Variants in TRPV6 observed in about 807,000 individuals in gnomAD.
TRPV6 encodes Alu-binding protein with zinc finger domain.
In TRPV6, 39 loss-of-function variants were observed where a neutral mutation model predicts 79.0. The observed-to-expected ratio is 0.49, with a 90% CI of 0.38 to 0.64. The LOEUF (loss-of-function observed/expected upper bound fraction) is 0.64. Ranked by LOEUF, TRPV6 falls within the 30% of genes least tolerant of loss-of-function variation. The probability of loss-of-function intolerance (pLI) is 0.00; values close to 1 mark genes in which losing one functional copy is unlikely to be tolerated. For synonymous variants in TRPV6, 373 were observed against 391.9 expected, an observed-to-expected ratio of 0.95 and a Z score of 0.57; for missense variants, 813 against 1,011.1, an observed-to-expected ratio of 0.80 and a Z score of 2.66.
chr7:142,872,857 C>G (rs1383001978), intron 13 of TRPV6, among the ~76,000 whole-genome samples: 2 of 152,206 alleles, frequency 1.3e-5, no homozygotes, highest in African/African-American at 4.8e-5. Flanking sequence ...AGTTTTTCCA[C>G]TCCGTTTTCT....
chr7:142,875,654 C>A lies in TRPV6; in HGVS notation c.1056G>T (p.Pro352=). ...ACTTGAGGCTCACCAGCTCCTTCAC[C>A]GGCGTCTGGTCCAGGATCTGGCGAG... Residue 352 remains proline, a synonymous_variant, in exon 8 of 15, where the codon CCG becomes CCT. Transcript: ENST00000359396. 6.2e-7 allele frequency: 1 copy of A among 1,613,518 alleles called. No individual in the cohort carries two copies. Among genetic ancestry groups the A allele is most frequent in the Non-Finnish European group, 8.5e-7 (1 of 1,179,818 alleles).
rs1271615832 is a variant in TRPV6, at chr7:142,871,294, C to A, written c.*413G>T. Reference sequence around the variant, plus strand: ...CCCAGAGCCGTTCCTGTCTCCCTCACTCACACGCTTTCCACAAGCTCTGCA... The same window carrying A: ...CCCAGAGCCGTTCCTGTCTCCCTCAATCACACGCTTTCCACAAGCTCTGCA... On this transcript the variant is annotated 3_prime_UTR_variant, in exon 15 of 15. Transcript: ENST00000359396. The A allele has an allele frequency of 2.1e-6, 1 of 475,166 alleles. No homozygotes were observed. Among genetic ancestry groups the A allele is most frequent in the Non-Finnish European group, 3.9e-6 (1 of 258,858 alleles). The allele number at this position is 475,166 out of a possible 1,614,324, so 29.4% of individuals were successfully genotyped here.
In TRPV6 at chr7:142,874,069, T is replaced by C. The variant is rs756397691; in HGVS notation, c.1639+7A>G. The C allele has an allele frequency of 1.4e-5, 23 of 1,613,216 alleles. No individual in the cohort carries two copies. The highest frequency in any genetic ancestry group is 1.9e-5 in the Non-Finnish European group (22 of 1,179,592). ...GCCATGGCCCCTGGTCCTGGACAGA[T>C]GATTACCTGAAGCAAAGCCCAGGAT... On this transcript the variant is annotated splice_region_variant and intron_variant, in intron 12 of 14. Transcript: ENST00000359396.
Position 142,876,506 on chromosome 7 carries a change from A to C in TRPV6, c.784T>G (p.Tyr262Asp). Residue 262 changes from tyrosine to aspartate, a missense_variant, in exon 6 of 15, where the codon TAC (tyrosine) becomes GAC (aspartate). Physicochemically the swap from Tyr to Asp is radical, Grantham distance 160. Transcript: ENST00000359396. Reference sequence around the variant, plus strand: ...TGCAGGTGGTCCCCATGTCTGTCGTAGGACAGCAACAGGTTGTACATCTGG... The same window carrying C: ...TGCAGGTGGTCCCCATGTCTGTCGTCGGACAGCAACAGGTTGTACATCTGG... 1 of 1,614,166 alleles carries C rather than the reference A, an allele frequency of 6.2e-7. No individual in the cohort carries two copies. The highest frequency in any genetic ancestry group is 1.3e-5 in the African/African-American group (1 of 75,022).
rs764878053 is a variant in TRPV6 at position 142,874,965 on chromosome 7, T to C, written c.1345A>G (p.Arg449Gly). The change falls in exon 10 of 15, where the codon AGA becomes GGA. Residue 449 changes from arginine to glycine, a missense_variant. Physicochemically the swap from Arg to Gly is moderately radical, Grantham distance 125. This residue lies in a region of TRPV6 where 555 missense variants were observed against 631.0 expected (regional missense o/e 0.88). Transcript: ENST00000359396. Reference sequence around the variant, plus strand: ...CCAAAGAAGCGAGTGACCCCCATTCTGAAGATGTCTGGAACCTGAAGAGGT... The same window carrying C: ...CCAAAGAAGCGAGTGACCCCCATTCCGAAGATGTCTGGAACCTGAAGAGGT... The C allele has an allele frequency of 6.2e-7, 1 of 1,614,114 alleles. No individual in the cohort carries two copies. Among genetic ancestry groups the C allele is most frequent in the South Asian group, 1.1e-5 (1 of 91,070 alleles).
At chr7:142,879,821 C>T (rs1411493638) in intron 1 of TRPV6, 3 of 152,290 alleles carry the variant, frequency 2.0e-5, no homozygotes. Context: ...TGTGCAACTA[C>T]TTTTCCACCC....
intron 4 of TRPV6, 27 bp from the exon 5 acceptor site, chr7:142,876,864 G>A (rs1795086256): frequency 6.2e-7 from 1 of 1,613,038 alleles, no homozygotes; most frequent in African/African-American, 1.3e-5. Context: ...ATCTATGGTA[G>A]GAGAGTGCAG....
At position 142,885,731 on chromosome 7, in the gene TRPV6, G is replaced by A. The variant is rs903233623; in HGVS notation, c.-95C>T. ...CTGTGAGTTTGTTACACTTGGCAGAGCCAGCCAGGACTCTGCAGGGCTGGC... is the reference window on the plus strand; with the variant it reads ...CTGTGAGTTTGTTACACTTGGCAGAACCAGCCAGGACTCTGCAGGGCTGGC... On this transcript the variant is annotated 5_prime_UTR_variant, in exon 1 of 15. Coordinates refer to ENST00000359396, the MANE Select transcript of TRPV6 (RefSeq NM_018646.6). 70 of 586,912 alleles carry A rather than the reference G, an allele frequency of 1.2e-4. No homozygotes were observed. Among genetic ancestry groups the A allele is most frequent in the African/African-American group, 1.1e-3 (57 of 53,136 alleles). 36.4% of individuals were successfully genotyped at this position (586,912 alleles called of 1,614,324 possible).
At position 142,880,492 on chromosome 7, in the gene TRPV6, C is replaced by A. The variant is rs1032648420; in HGVS notation, c.249-2466G>T. On this transcript the variant is annotated intron_variant, in intron 1 of 14. Transcript: ENST00000359396. ...TTCCACGTTTGTGTCCCATTTTGAC[C>A]AAATGTGTGAAAGATTGATGGCAAA... 2.0e-5 allele frequency: 3 copies of A among 152,158 alleles called. No individual in the cohort carries two copies. The East Asian group carries it at 5.8e-4, about 29-fold the overall frequency. The allele number at this position is 152,158 out of a possible 1,614,324, so 9.4% of individuals were successfully genotyped here.
Position 142,875,981 on chromosome 7 carries a change from G to A in TRPV6, c.883-77C>T, listed in dbSNP as rs1473034178. The stretch of plus-strand genomic sequence containing the variant: ...AGAGTGTGGATAGGATGCATGTGCA[G>A]GAGGACGGCACCCCTGGAGAAGGTG... On this transcript the variant is annotated intron_variant, in intron 6 of 14. Coordinates refer to ENST00000359396, the MANE Select transcript of TRPV6 (RefSeq NM_018646.6). 2.7e-6 allele frequency: 4 copies of A among 1,479,062 alleles called. No homozygotes were observed. The African/African-American group carries it at 4.2e-5, about 16-fold the overall frequency. The allele number at this position is 1,479,062 out of a possible 1,614,324, so 91.6% of individuals were successfully genotyped here.
At chr7:142,875,735 C>T (rs1395422639) in intron 7 of TRPV6, 23 bp downstream of exon 7, 3 of 1,598,988 alleles carry the variant, frequency 1.9e-6, no homozygotes, top group Non-Finnish European at 2.6e-6. Context: ...TCCCCAGCCA[C>T]AGCCTGCTGT....
Position 142,871,459 on chromosome 7 carries a change from C to T in TRPV6, c.*248G>A. 1.9e-6 allele frequency: 1 copy of T among 526,786 alleles called. No homozygotes were observed. The highest frequency in any genetic ancestry group is 3.4e-6 in the Non-Finnish European group (1 of 297,618). 32.6% of individuals were successfully genotyped at this position (526,786 alleles called of 1,614,324 possible). On this transcript the variant is annotated 3_prime_UTR_variant, in exon 15 of 15. Coordinates refer to ENST00000359396, the MANE Select transcript of TRPV6 (RefSeq NM_018646.6). ...GTGCTCCTGTCGGAAGGGTGATGAGCAGGCCACAGGAGAGTTCCTCACGCC... is the reference window on the plus strand; with the variant it reads ...GTGCTCCTGTCGGAAGGGTGATGAGTAGGCCACAGGAGAGTTCCTCACGCC...
Position 142,877,745 on chromosome 7 carries a change from T to C in TRPV6, c.375A>G (p.Ile125Met), listed in dbSNP as rs774220764. Residue 125 changes from isoleucine (I) to methionine (M), a missense_variant, in exon 3 of 15, where the codon ATA becomes ATG. Physicochemically the swap from Ile to Met is conservative, Grantham distance 10. Transcript: ENST00000359396. ...CCTCCAGGTTGTCATAGAGGGCTGC[T>C]ATGTGTAGCGCTGTTTCCCCCATGG... The C allele has an allele frequency of 6.2e-7, 1 of 1,614,020 alleles. No individual in the cohort carries two copies. The highest frequency in any genetic ancestry group is 1.3e-5 in the African/African-American group (1 of 74,898).
Position 142,875,139 on chromosome 7 carries a change from T to A in TRPV6, c.1268A>T (p.Asp423Val). Reference sequence around the variant, plus strand: ...CACCAGCTCCCCGACCAGCCGGATATCGTCCTTAGGGGTCATGTAGGCTTC... The same window carrying A: ...CACCAGCTCCCCGACCAGCCGGATAACGTCCTTAGGGGTCATGTAGGCTTC... Residue 423 changes from aspartate to valine, a missense_variant, in exon 9 of 15, where the codon GAT becomes GTT. Asp to Val is a radical substitution (Grantham distance 152, BLOSUM62 -3). Coordinates refer to ENST00000359396, the MANE Select transcript of TRPV6 (RefSeq NM_018646.6). 1 of 1,614,060 alleles carries A rather than the reference T, an allele frequency of 6.2e-7. No homozygotes were observed. Among genetic ancestry groups the A allele is most frequent in the Non-Finnish European group, 8.5e-7 (1 of 1,180,004 alleles).
In TRPV6 at chr7:142,871,437, C is replaced by T; in HGVS notation, c.*270G>A. ...TTTTAAAGTGCTCTGACATGCAGTGCTCCTGTCGGAAGGGTGATGAGCAGG... is the reference window on the plus strand; with the variant it reads ...TTTTAAAGTGCTCTGACATGCAGTGTTCCTGTCGGAAGGGTGATGAGCAGG... On this transcript the variant is annotated 3_prime_UTR_variant, in exon 15 of 15. Transcript: ENST00000359396. 1 of 497,204 alleles carries T rather than the reference C, an allele frequency of 2.0e-6. No individual in the cohort carries two copies. 30.8% of individuals were successfully genotyped at this position (497,204 alleles called of 1,614,324 possible).
intron 1 of TRPV6, chr7:142,884,688 CCTGA>C (rs1243957473): frequency 9.2e-5 from 14 of 152,198 alleles, no homozygotes; most frequent in African/African-American, 3.4e-4. Context: ...ATTTCCACCA[CCTGA>C]ATGCGGAAGA....
At chr7:142,876,950 G>A (rs1795088273) in intron 4 of TRPV6, 113 bp from the exon 5 acceptor site, 2 of 1,489,978 alleles carry the variant, frequency 1.3e-6, no homozygotes, top group Non-Finnish European at 1.8e-6. Context: ...AGGGCTTGAG[G>A]ACACTTTTCC....
rs369054271 is a variant in TRPV6, at chr7:142,875,657, C to T, written c.1053G>A (p.Thr351=). 3.3e-5 allele frequency: 53 copies of T among 1,613,212 alleles called. No individual in the cohort carries two copies. Among genetic ancestry groups the T allele is most frequent in the East Asian group, 6.7e-5 (3 of 44,860 alleles). ...TGAGGCTCACCAGCTCCTTCACCGG[C>T]GTCTGGTCCAGGATCTGGCGAGCCT... Residue 351 remains threonine, a synonymous_variant, in exon 8 of 15, where the codon ACG becomes ACA. Coordinates refer to ENST00000359396, the MANE Select transcript of TRPV6 (RefSeq NM_018646.6).
Position 142,877,777 on chromosome 7 carries a change from G to T in TRPV6, c.347-4C>A. On this transcript the variant is annotated splice_polypyrimidine_tract_variant and splice_region_variant and intron_variant, in intron 2 of 14. Coordinates refer to ENST00000359396, the MANE Select transcript of TRPV6 (RefSeq NM_018646.6). ...AGCGCTGTTTCCCCCATGGCTCCTGGCATTTACAGAGAGGTGGGTTATATG... is the reference window on the plus strand; with the variant it reads ...AGCGCTGTTTCCCCCATGGCTCCTGTCATTTACAGAGAGGTGGGTTATATG... The T allele has an allele frequency of 1.2e-6, 2 of 1,614,146 alleles. No individual in the cohort carries two copies. Among genetic ancestry groups the T allele is most frequent in the Non-Finnish European group, 1.7e-6 (2 of 1,180,016 alleles).
Sources: allele counts gnomAD v4.1 joint callset (sites outside exome capture counted in the v4.1 genomes callset), GRCh38; gene constraint gnomAD v4.1.1; regional missense constraint gnomAD v4.1.1; transcripts MANE v1.5; gene names NCBI Gene and HGNC (gene_info 2026-07-23, HGNC 2026-07-21).